Variants in MYO18B observed in about 807,000 individuals in gnomAD.
MYO18B encodes unconventional myosin-XVIIIb.
Under a neutral mutation model 273.0 loss-of-function variants are expected in MYO18B, and 204 were observed. That is an observed-to-expected ratio of 0.75 (90% confidence interval 0.67 to 0.84). The LOEUF (loss-of-function observed/expected upper bound fraction) is 0.84, where lower values mean the gene tolerates loss of function less well. Among genes scored for constraint, MYO18B ranks in the 40% least tolerant of loss-of-function variants. The pLI is 0.00. For synonymous variants in MYO18B, 1,330 were observed against 1,305.7 expected, an observed-to-expected ratio of 1.02 and a Z score of -0.40; for missense variants, 3,212 against 3,287.6, an observed-to-expected ratio of 0.98 and a Z score of 0.56.
intron 19 of MYO18B, among the ~76,000 whole-genome samples, chr22:25,847,118 ACCT>A (rs918551131): frequency 1.0e-3 from 153 of 150,876 alleles, no homozygotes; most frequent in African/African-American, 3.2e-3. Flanking sequence ...AATAAAATGG[ACCT>A]CCTAGTGCGT....
the MYO18B span, among the ~76,000 whole-genome samples, chr22:26,039,341 T>A: frequency 2.0e-5 from 3 of 152,322 alleles, no homozygotes; most frequent in East Asian, 3.9e-4. Context: ...ATGATCTTTC[T>A]CCCTTCTGGG....
intron 11 of MYO18B, among the ~76,000 whole-genome samples, chr22:25,797,141 C>T (rs1182345721): frequency 1.3e-5 from 2 of 152,182 alleles, no homozygotes; most frequent in African/African-American, 4.8e-5. Context: ...GTGAGAGAAT[C>T]GCTTGAGCCC....
At chr22:25,947,872 TG>T in intron 36 of MYO18B, 44 bp downstream of exon 36, 1 of 1,418,894 alleles carries the variant, frequency 7.0e-7, no homozygotes. Context: ...GGACTTGGGG[TG>T]GGGTGAATGG....
chr22:25,934,029 A>G (rs574940854), intron 34 of MYO18B, among the ~76,000 whole-genome samples: 77 of 152,348 alleles, frequency 5.1e-4, no homozygotes, highest in African/African-American at 1.8e-3. Context: ...CATTTTAGCC[A>G]TTCCGAGGGA....
At chr22:26,039,726 A>G in the MYO18B span, among the ~76,000 whole-genome samples, 1 of 152,138 alleles carries the variant, frequency 6.6e-6, no homozygotes, top group African/African-American at 2.4e-5. Flanking sequence ...ATTTTAGTGT[A>G]CCTGTCACCT....
intron 34 of MYO18B, among the ~76,000 whole-genome samples, chr22:25,943,460 G>A (rs2092668023): frequency 6.6e-6 from 1 of 152,098 alleles, no homozygotes; most frequent in Non-Finnish European, 1.5e-5. Context: ...ATGGCTTCCT[G>A]GCAGACTGAA....
intron 1 of MYO18B, among the ~76,000 whole-genome samples, chr22:25,759,733 T>C (rs1318013678): frequency 6.6e-6 from 1 of 152,186 alleles, no homozygotes; most frequent in East Asian, 1.9e-4. Flanking sequence ...ATATAGTAAT[T>C]GTATGGAGAT....
At chr22:25,809,339 C>T (rs1413408520) in intron 12 of MYO18B, among the ~76,000 whole-genome samples, 2 of 152,150 alleles carry the variant, frequency 1.3e-5, no homozygotes, top group Non-Finnish European at 2.9e-5. Context: ...TGCCTCCTGT[C>T]CCTCACCACT....
intron 24 of MYO18B, among the ~76,000 whole-genome samples, chr22:25,877,473 CT>C (rs964630433): frequency 6.6e-6 from 1 of 152,024 alleles, no homozygotes; most frequent in African/African-American, 2.4e-5. Context: ...TTAAAATCTA[CT>C]TTTTGTTTTT....
intron 21 of MYO18B, among the ~76,000 whole-genome samples, chr22:25,855,612 A>G (rs899038144): frequency 3.3e-5 from 5 of 152,100 alleles, no homozygotes; most frequent in African/African-American, 7.2e-5. Flanking sequence ...ATAGTATTCC[A>G]TAGTGTCTAT....
At chr22:25,846,803 C>T (rs928003464) in intron 19 of MYO18B, among the ~76,000 whole-genome samples, 5 of 152,118 alleles carry the variant, frequency 3.3e-5, no homozygotes, top group Non-Finnish European at 7.3e-5. Flanking sequence ...TTATAGTGGC[C>T]GGGCGCAGAG....
chr22:25,935,598 A>G (rs1391376515), intron 34 of MYO18B, among the ~76,000 whole-genome samples: 5 of 95,754 alleles, frequency 5.2e-5, no homozygotes, highest in Non-Finnish European at 9.6e-5. Context: ...AAAGAAGAGA[A>G]AAAAAAAAAC....
chr22:25,830,925 T>A (rs1367354512), intron 15 of MYO18B, among the ~76,000 whole-genome samples: 1 of 152,230 alleles, frequency 6.6e-6, no homozygotes, highest in Non-Finnish European at 1.5e-5. Context: ...ATAAAGAGTG[T>A]AACAGCTATT....
intron 1 of MYO18B, among the ~76,000 whole-genome samples, chr22:25,758,628 T>C (rs544285196): frequency 8.3e-4 from 127 of 152,218 alleles, no homozygotes; most frequent in African/African-American, 2.6e-3. Context: ...ATGATTCCGT[T>C]ATAGCGAATG....
intron 1 of MYO18B, among the ~76,000 whole-genome samples, chr22:25,748,394 T>G (rs527736169): frequency 6.6e-6 from 1 of 152,298 alleles, no homozygotes; most frequent in African/African-American, 2.4e-5. Flanking sequence ...AAGTAGGTTT[T>G]GTGGCTTCTG....
At chr22:26,041,613 T>C in the MYO18B span, among the ~76,000 whole-genome samples, 1 of 152,000 alleles carries the variant, frequency 6.6e-6, no homozygotes, top group Non-Finnish European at 1.5e-5. Flanking sequence ...TTTGACATGA[T>C]TTTACCTGGG....
At chr22:25,814,597 G>T (rs1172078632) in intron 12 of MYO18B, among the ~76,000 whole-genome samples, 1 of 151,968 alleles carries the variant, frequency 6.6e-6, no homozygotes, top group Non-Finnish European at 1.5e-5. Context: ...GCTCTCCAGG[G>T]TCCCTTTTTC....
At chr22:25,869,365 G>A (rs141599386) in intron 22 of MYO18B, among the ~76,000 whole-genome samples, 2,005 of 148,984 alleles carry the variant, frequency 0.013, 40 homozygotes, top group African/African-American at 0.047. Context: ...CAGGAGAATC[G>A]CTTGAACCCG....
intron 33 of MYO18B, 55 bp downstream of exon 33, chr22:25,911,105 G>C: frequency 7.5e-7 from 1 of 1,325,110 alleles, no homozygotes; most frequent in Non-Finnish European, 1.1e-6. Context: ...ACCTATTTGA[G>C]AGATGGGCTC....
Sources: allele counts gnomAD v4.1 joint callset (sites outside exome capture counted in the v4.1 genomes callset), GRCh38; gene constraint gnomAD v4.1.1; transcripts MANE v1.5; gene names NCBI Gene and HGNC (gene_info 2026-07-23, HGNC 2026-07-21).